Variants in APBA2 observed in about 807,000 individuals in gnomAD.
The protein encoded by APBA2 is amyloid-beta A4 precursor protein-binding family A member 2.
APBA2 carries 30 observed loss-of-function variants against 75.0 expected under a neutral mutation model. That is an observed-to-expected ratio of 0.40 (90% CI 0.30 to 0.54). APBA2 has a LOEUF of 0.54. APBA2 is among the 20% of genes least tolerant of loss of function. The pLI is 0.49. For synonymous variants in APBA2, 444 were observed against 409.6 expected (o/e 1.08, Z -1.01); for missense variants, 801 against 1,016.1 (o/e 0.79, Z 2.88).
chr15:29,037,027 A>G (rs1430719622), intron 3 of APBA2, among the ~76,000 whole-genome samples: 1 of 152,120 alleles, frequency 6.6e-6, no homozygotes, highest in Non-Finnish European at 1.5e-5. Context: ...CTCCAAAAAA[A>G]AAAAGAGAAA....
intron 3 of APBA2, among the ~76,000 whole-genome samples, chr15:29,026,661 C>T (rs2040235993): frequency 6.6e-6 from 1 of 152,138 alleles, no homozygotes; most frequent in Admixed American, 6.5e-5. Flanking sequence ...CGCCTGTAAT[C>T]CCAGCACTTT....
intron 4 of APBA2, among the ~76,000 whole-genome samples, chr15:29,069,108 G>A (rs1435107705): frequency 2.0e-5 from 3 of 152,226 alleles, no homozygotes; most frequent in African/African-American, 7.2e-5. Context: ...GATAGGATCA[G>A]ACAATATGTG....
At chr15:28,898,106 CT>C (rs1412976333) in intron 1 of APBA2, among the ~76,000 whole-genome samples, 2 of 152,276 alleles carry the variant, frequency 1.3e-5, no homozygotes, top group East Asian at 3.9e-4. Flanking sequence ...GGATTCTCCC[CT>C]GGTGCCTCTG....
chr15:28,899,566 G>T (rs1321328164), intron 1 of APBA2, among the ~76,000 whole-genome samples: 3 of 152,190 alleles, frequency 2.0e-5, no homozygotes, highest in African/African-American at 4.8e-5. Flanking sequence ...CGTATGCTCA[G>T]GGCGTCGTGT....
At chr15:28,926,926 G>A (rs912866973) in intron 2 of APBA2, among the ~76,000 whole-genome samples, 2 of 146,278 alleles carry the variant, frequency 1.4e-5, no homozygotes, top group East Asian at 2.0e-4. Flanking sequence ...GTGCTATCTC[G>A]GCTCACTGCA....
intron 3 of APBA2, among the ~76,000 whole-genome samples, chr15:29,035,882 G>A (rs2040722531): frequency 6.6e-6 from 1 of 152,202 alleles, no homozygotes; most frequent in Admixed American, 6.5e-5. Context: ...AGAGAGGACA[G>A]GAGCAGACAA....
intron 1 of APBA2, among the ~76,000 whole-genome samples, chr15:28,886,544 C>G (rs865941690): frequency 6.6e-6 from 1 of 150,880 alleles, no homozygotes; most frequent in Non-Finnish European, 1.5e-5. Context: ...GGCGGCGGCT[C>G]TCGCATCCCG....
chr15:28,934,524 G>T (rs1260148671), intron 2 of APBA2, among the ~76,000 whole-genome samples: 3 of 152,226 alleles, frequency 2.0e-5, no homozygotes, highest in Non-Finnish European at 4.4e-5. Context: ...GGGTCTAGGT[G>T]TGCGAGGTCT....
At chr15:28,975,145 G>A (rs1317110382) in intron 2 of APBA2, among the ~76,000 whole-genome samples, 2 of 152,072 alleles carry the variant, frequency 1.3e-5, no homozygotes, top group Non-Finnish European at 2.9e-5. Flanking sequence ...TGGATAGAAA[G>A]GGAACTTCTT....
At chr15:29,038,124 C>A (rs970618978) in intron 3 of APBA2, among the ~76,000 whole-genome samples, 4 of 152,180 alleles carry the variant, frequency 2.6e-5, no homozygotes, top group Non-Finnish European at 5.9e-5. Flanking sequence ...TAAGCTCTAG[C>A]CAAGGCAGCT....
rs768391832 is a variant in APBA2, at chr15:29,105,551, G to C, written c.1697G>C (p.Cys566Ser). 6.2e-7 allele frequency: 1 copy of C among 1,613,368 alleles called. No homozygotes were observed. The highest frequency in any genetic ancestry group is 1.1e-5 in the South Asian group (1 of 91,076). Residue 566 changes from cysteine (C) to serine (S), a missense_variant, in exon 11 of 15, where the codon TGC (cysteine) becomes TCC (serine). Physicochemically the swap from Cys to Ser is moderately radical, Grantham distance 112. This residue lies in a region of APBA2 where 367 missense variants were observed against 544.5 expected (regional missense o/e 0.67). Coordinates refer to ENST00000683413, the MANE Select transcript of APBA2 (RefSeq NM_001353788.2). Reference protein sequence around the residue: ...DLIHFSNSENCKELQLEKHKG... With the variant: ...DLIHFSNSENSKELQLEKHKG... ...ATCCACTTCTCAAACTCGGAGAACTGCAAGGAGGTAAGCCACACCCACCAG... is the reference window on the plus strand; with the variant it reads ...ATCCACTTCTCAAACTCGGAGAACTCCAAGGAGGTAAGCCACACCCACCAG...
chr15:28,939,516 C>T (rs933966964), intron 2 of APBA2, among the ~76,000 whole-genome samples: 2 of 152,226 alleles, frequency 1.3e-5, no homozygotes, highest in Admixed American at 6.5e-5. Flanking sequence ...TCCTCACCAG[C>T]ACTTGTGTTT....
At chr15:29,077,137 C>T (rs892768929) in intron 6 of APBA2, among the ~76,000 whole-genome samples, 3 of 152,126 alleles carry the variant, frequency 2.0e-5, no homozygotes, top group African/African-American at 7.2e-5. Context: ...GGGTTTTGCC[C>T]AGCAGTTTAC....
intron 1 of APBA2, among the ~76,000 whole-genome samples, chr15:28,900,865 A>G (rs923570268): frequency 6.6e-6 from 1 of 152,114 alleles, no homozygotes; most frequent in Non-Finnish European, 1.5e-5. Flanking sequence ...TCCTTGTAAT[A>G]TGTATTGTAA....
intron 1 of APBA2, among the ~76,000 whole-genome samples, chr15:28,912,057 GA>G (rs1162081908): frequency 6.6e-6 from 1 of 152,106 alleles, no homozygotes; most frequent in African/African-American, 2.4e-5. Context: ...GTATCTGTTT[GA>G]ATTTTTAGTT....
intron 6 of APBA2, among the ~76,000 whole-genome samples, chr15:29,088,397 C>T (rs1427739317): frequency 6.6e-6 from 1 of 152,172 alleles, no homozygotes; most frequent in African/African-American, 2.4e-5. Flanking sequence ...ATCCAGGCTC[C>T]TGCCACTAAA....
chr15:29,088,265 C>T (rs553461501), intron 6 of APBA2, among the ~76,000 whole-genome samples: 1 of 152,310 alleles, frequency 6.6e-6, no homozygotes, highest in South Asian at 2.1e-4. Context: ...CATCCTGCCC[C>T]CTTGCCCATG....
intron 4 of APBA2, among the ~76,000 whole-genome samples, chr15:29,070,155 A>G (rs890555377): frequency 9.2e-5 from 14 of 152,202 alleles, no homozygotes; most frequent in African/African-American, 3.4e-4. Flanking sequence ...GAAAAAACTT[A>G]TAGTGGTGAG....
intron 1 of APBA2, chr15:28,895,522 G>A (rs963325499): frequency 4.6e-5 from 7 of 152,266 alleles, no homozygotes; most frequent in Non-Finnish European, 1.0e-4. Flanking sequence ...CCTTTCAGGC[G>A]GAGGGAGCTG....
Sources: gnomAD v4.1 joint callset for allele counts (sites outside exome capture counted in the v4.1 genomes callset) on GRCh38, gnomAD v4.1.1 for gene constraint, gnomAD v4.1.1 regional missense constraint, MANE v1.5 for transcripts, NCBI Gene and HGNC (gene_info 2026-07-23, HGNC 2026-07-21) for gene names.